Variants in CLNS1A observed in about 807,000 individuals in gnomAD.
CLNS1A encodes chloride nucleotide-sensitive channel 1A, also known as methylosome subunit pICln.
Under a neutral mutation model 29.4 loss-of-function variants are expected in CLNS1A, and 16 were observed. The observed-to-expected ratio is 0.54, with a 90% CI of 0.37 to 0.83. CLNS1A has a LOEUF of 0.83. CLNS1A is among the 40% of genes least tolerant of loss of function. CLNS1A has a pLI of 0.00. For missense variants in CLNS1A, 235 were observed against 287.4 expected (o/e 0.82, Z 1.32); for synonymous variants, 96 against 104.8 (o/e 0.92, Z 0.51).
rs1026401875 is a variant in CLNS1A at position 77,637,763 on chromosome 11, A to T, written c.-49T>A. The T allele has an allele frequency of 4.6e-6, 7 of 1,524,974 alleles. No individual in the cohort carries two copies. Among genetic ancestry groups the T allele is most frequent in the African/African-American group, 2.8e-5 (2 of 72,510 alleles). The allele number at this position is 1,524,974 out of a possible 1,614,324, so 94.5% of individuals were successfully genotyped here. A position where few individuals can be genotyped will look rare whatever the true frequency, so the allele number is the denominator to read the frequency against. ...GCCCTGAGGGAGTTGGAGCACAGCA[A>T]TGCGTGCACCACACCGCCCGCCCTG... On this transcript the variant is annotated 5_prime_UTR_variant, in exon 1 of 7. In the 5' UTR this introduces an upstream ATG that the reference lacks. Transcript: ENST00000525428.
At chr11:77,620,735 G>C (rs998606576) in intron 5 of CLNS1A, among the ~76,000 whole-genome samples, 1 of 152,058 alleles carries the variant, frequency 6.6e-6, no homozygotes, top group East Asian at 1.9e-4. Flanking sequence ...CTTGAACCAG[G>C]AAGGTGGAGG....
intron 1 of CLNS1A, among the ~76,000 whole-genome samples, chr11:77,636,856 T>C (rs1324412194): frequency 6.6e-6 from 1 of 152,108 alleles, no homozygotes; most frequent in Non-Finnish European, 1.5e-5. Flanking sequence ...GAAAACTGCA[T>C]GTCAAGGAAA....
chr11:77,634,129 T>C (rs1418164654), intron 1 of CLNS1A, among the ~76,000 whole-genome samples: 1 of 151,502 alleles, frequency 6.6e-6, no homozygotes, highest in African/African-American at 2.4e-5. Context: ...CAACTTCCTA[T>C]AAAAAACTAA....
intron 1 of CLNS1A, among the ~76,000 whole-genome samples, chr11:77,637,256 A>AAAAAAAAG (rs1235000324): frequency 3.5e-5 from 5 of 144,372 alleles, no homozygotes; most frequent in African/African-American, 1.1e-4. Flanking sequence ...AAAAAAAAAA[A>AAAAAAAAG]AAAGAAAATA....
At chr11:77,635,785 CTG>C (rs1959118873) in intron 1 of CLNS1A, among the ~76,000 whole-genome samples, 1 of 152,228 alleles carries the variant, frequency 6.6e-6, no homozygotes, top group Non-Finnish European at 1.5e-5. Context: ...AGGAATGTAT[CTG>C]TGCTCCATCT....
chr11:77,625,109 T>A lies in CLNS1A; in HGVS notation c.365-39A>T. The A allele has an allele frequency of 2.8e-6, 4 of 1,412,392 alleles. No homozygotes were observed. The East Asian group carries it at 6.8e-5, about 24-fold the overall frequency. 87.5% of individuals were successfully genotyped at this position (1,412,392 alleles called of 1,614,324 possible). A position where few individuals can be genotyped will look rare whatever the true frequency, so the allele number is the denominator to read the frequency against. On this transcript the variant is annotated intron_variant, in intron 3 of 6. Transcript: ENST00000525428. ...TTAAACTGTAACCAATCTTTTTTTG[T>A]AATAAAAGTAACCATCAGTGCAAAT...
At chr11:77,625,934 T>C in intron 2 of CLNS1A, 116 bp from the exon 3 acceptor site, 1 of 932,594 alleles carries the variant, frequency 1.1e-6, no homozygotes. Context: ...ACAAATTTAT[T>C]TCCAATTATG....
At chr11:77,632,874 G>C (rs182904830) in intron 1 of CLNS1A, among the ~76,000 whole-genome samples, 1 of 151,946 alleles carries the variant, frequency 6.6e-6, no homozygotes, top group Admixed American at 6.6e-5. Flanking sequence ...GATCACCTGA[G>C]GTCAGGAGTT....
Position 77,615,471 on chromosome 11 carries a change from T to G in CLNS1A, c.*1247A>C, listed in dbSNP as rs1053793630. 2.6e-5 allele frequency: 4 copies of G among 152,186 alleles called. No homozygotes were observed. Among genetic ancestry groups the G allele is most frequent in the African/African-American group, 9.7e-5 (4 of 41,450 alleles). The allele number at this position is 152,186 out of a possible 1,614,324, so 9.4% of individuals were successfully genotyped here. A position where few individuals can be genotyped will look rare whatever the true frequency, so the allele number is the denominator to read the frequency against. ...ATTTTACCTCTCTCTATAACTCAGT[T>G]TCCTCAACTATAAAGTGGGATAAAA... On this transcript the variant is annotated 3_prime_UTR_variant, in exon 7 of 7. Transcript: ENST00000525428.
chr11:77,627,372 G>A (rs902053912), intron 2 of CLNS1A, among the ~76,000 whole-genome samples: 1 of 151,076 alleles, frequency 6.6e-6, no homozygotes, highest in Non-Finnish European at 1.5e-5. Context: ...CCAGGAGGCA[G>A]AGGTTGCAGT....
At position 77,620,061 on chromosome 11, in the gene CLNS1A, C is replaced by G. The variant is rs370892142; in HGVS notation, c.647-366G>C. Among the ~76,000 whole-genome samples the G allele has an allele frequency of 1.6e-3, 238 of 152,226 alleles. 1 individual carries two copies. Among genetic ancestry groups the G allele is most frequent in the African/African-American group, 5.6e-3 (231 of 41,538 alleles). On this transcript the variant is annotated intron_variant, in intron 5 of 6. Transcript: ENST00000525428. ...AGTGAAAAGACAAAAATCAGTACAG[C>G]AAGCTTTTTGCTTATTTCCCTGTTT...
In CLNS1A at chr11:77,619,692, C is replaced by G; in HGVS notation, c.650G>C (p.Gly217Ala). The G allele has an allele frequency of 6.2e-7, 1 of 1,612,172 alleles. No individual in the cohort carries two copies. Among genetic ancestry groups the G allele is most frequent in the Non-Finnish European group, 8.5e-7 (1 of 1,178,326 alleles). The change falls in exon 6 of 7, where the codon GGG becomes GCG. Residue 217 changes from glycine (G) to alanine (A), a missense_variant. By Grantham distance (60) the Gly-to-Ala change is moderately conservative. Coordinates refer to ENST00000525428, the MANE Select transcript of CLNS1A (RefSeq NM_001293.3). ...TGTTGGTGTGGTATCCACCTCCATC[C>G]CATCTAAACAAAAAAATTAATTACT... ...TEDSIRDYED[G>A]MEVDTTPTVA... is the part of the protein sequence containing the mutation.
chr11:77,635,702 A>G (rs1959117973), intron 1 of CLNS1A, among the ~76,000 whole-genome samples: 1 of 152,172 alleles, frequency 6.6e-6, no homozygotes, highest in South Asian at 2.1e-4. Context: ...CTGTCCCTCA[A>G]AAGGAGTTAT....
chr11:77,624,857 T>C (rs754009002), intron 4 of CLNS1A, 106 bp downstream of exon 4: 1 of 680,008 alleles, frequency 1.5e-6, no homozygotes, highest in Non-Finnish European at 2.5e-6. Context: ...ACTGCATACT[T>C]TACAGTCATA....
chr11:77,626,837 G>A (rs948498935), intron 2 of CLNS1A, among the ~76,000 whole-genome samples: 3 of 150,648 alleles, frequency 2.0e-5, no homozygotes, highest in East Asian at 2.1e-4. Context: ...GACTACAGGC[G>A]CCCGCCACCA....
rs564084343 is a variant in CLNS1A at position 77,616,939 on chromosome 11, G to A, written c.*23-244C>T. The stretch of plus-strand genomic sequence containing the variant: ...GCAGAGTTGTGATTCCACGATTAAC[G>A]TGCCGTCTCCACCCCACCTCATGCA... On this transcript the variant is annotated intron_variant, in intron 6 of 6. Transcript: ENST00000525428. Among the ~76,000 whole-genome samples the A allele has an allele frequency of 1.5e-4, 23 of 152,288 alleles. No individual in the cohort carries two copies. The South Asian group carries it at 3.5e-3, about 23-fold the overall frequency.
intron 1 of CLNS1A, among the ~76,000 whole-genome samples, chr11:77,632,371 T>A (rs903625056): frequency 6.6e-6 from 1 of 152,212 alleles, no homozygotes; most frequent in Non-Finnish European, 1.5e-5. Flanking sequence ...AAAACTTGAA[T>A]GACTCAATGA....
chr11:77,619,526 G>A (rs1317426951), intron 6 of CLNS1A, 80 bp downstream of exon 6: 5 of 973,106 alleles, frequency 5.1e-6, no homozygotes, highest in Non-Finnish European at 8.1e-6. Flanking sequence ...CCTGTCTCAA[G>A]AAAGAATTTT....
Position 77,629,956 on chromosome 11 carries a change from A to G in CLNS1A, c.126-57T>C, listed in dbSNP as rs1267501284. Reference sequence around the variant, plus strand: ...AGAAAGTAAATCCTCATGTAAGACCACAAAGTATATAAAAGTTCAGCTTGG... The same window carrying G: ...AGAAAGTAAATCCTCATGTAAGACCGCAAAGTATATAAAAGTTCAGCTTGG... On this transcript the variant is annotated intron_variant, in intron 1 of 6. Coordinates refer to ENST00000525428, the MANE Select transcript of CLNS1A (RefSeq NM_001293.3). 8.4e-6 allele frequency: 13 copies of G among 1,544,804 alleles called. No individual in the cohort carries two copies. The Admixed American group carries it at 1.0e-4, about 12-fold the overall frequency.
Sources: gnomAD v4.1 joint callset for allele counts (sites outside exome capture counted in the v4.1 genomes callset) on GRCh38, gnomAD v4.1.1 for gene constraint, MANE v1.5 for transcripts, NCBI Gene and HGNC (gene_info 2026-07-23, HGNC 2026-07-21) for gene names.